Variants in XRRA1 observed in about 807,000 individuals in gnomAD.
XRRA1 encodes X-ray radiation resistance-associated protein 1.
XRRA1 carries 69 observed loss-of-function variants against 80.2 expected under a neutral mutation model. The ratio of observed to expected loss-of-function variants is 0.86; its 90% CI spans 0.71 to 1.05. XRRA1 has a LOEUF of 1.05. XRRA1 is among the 50% of genes least tolerant of loss of function. The probability of loss-of-function intolerance (pLI) is 0.00; values close to 1 mark genes in which losing one functional copy is unlikely to be tolerated. For synonymous variants in XRRA1, 348 were observed against 389.9 expected (o/e 0.89, Z 1.27); for missense variants, 967 against 976.4 (o/e 0.99, Z 0.13).
intron 16 of XRRA1, 70 bp from the exon 17 acceptor site, chr11:74,844,353 T>C: frequency 8.8e-7 from 1 of 1,139,188 alleles, no homozygotes; most frequent in South Asian, 1.3e-5. Flanking sequence ...CCCTGATTGC[T>C]TCATTCCTCA....
chr11:74,912,155 T>A (rs1453088574), intron 8 of XRRA1, among the ~76,000 whole-genome samples: 1 of 152,214 alleles, frequency 6.6e-6, no homozygotes, highest in Non-Finnish European at 1.5e-5. Flanking sequence ...GCTGATTCCA[T>A]CCTGAGTGAC....
intron 3 of XRRA1, among the ~76,000 whole-genome samples, chr11:74,939,185 C>T (rs956737782): frequency 6.6e-6 from 1 of 152,066 alleles, no homozygotes. Flanking sequence ...AACCCCATCT[C>T]TATAAAAAAT....
At chr11:74,905,046 ATTAAG>A (rs2054292357) in intron 10 of XRRA1, among the ~76,000 whole-genome samples, 1 of 152,114 alleles carries the variant, frequency 6.6e-6, no homozygotes, top group African/African-American at 2.4e-5. Flanking sequence ...TGTGCCCTTT[ATTAAG>A]TTGTTACTAT....
intron 11 of XRRA1, among the ~76,000 whole-genome samples, chr11:74,861,215 G>T (rs937107700): frequency 6.6e-6 from 1 of 152,130 alleles, no homozygotes; most frequent in African/African-American, 2.4e-5. Context: ...TATAGCTGGG[G>T]TCCCCAACCC....
At chr11:74,860,111 A>C (rs968959981) in intron 11 of XRRA1, among the ~76,000 whole-genome samples, 1 of 152,202 alleles carries the variant, frequency 6.6e-6, no homozygotes, top group African/African-American at 2.4e-5. Context: ...CAAGTCACTT[A>C]AATTTTGCTT....
At chr11:74,910,732 CAGAT>C (rs2055690585) in intron 8 of XRRA1, 2 of 152,198 alleles carry the variant, frequency 1.3e-5, no homozygotes, top group African/African-American at 4.8e-5. Context: ...CTCTGGCTGA[CAGAT>C]AGGAGGATGG....
intron 10 of XRRA1, among the ~76,000 whole-genome samples, chr11:74,892,267 T>C (rs1291194591): frequency 6.6e-6 from 1 of 152,214 alleles, no homozygotes; most frequent in Non-Finnish European, 1.5e-5. Flanking sequence ...TACAACCATC[T>C]GATCTTTGAC....
At chr11:74,925,407 T>C (rs1941975375) in intron 7 of XRRA1, among the ~76,000 whole-genome samples, 1 of 152,208 alleles carries the variant, frequency 6.6e-6, no homozygotes, top group African/African-American at 2.4e-5. Flanking sequence ...ATTCCTAACC[T>C]GGCTACTACA....
intron 10 of XRRA1, among the ~76,000 whole-genome samples, chr11:74,893,481 C>T (rs1318052098): frequency 2.0e-5 from 3 of 151,638 alleles, no homozygotes; most frequent in Admixed American, 2.0e-4. Context: ...TGCAGCACAC[C>T]AACATGGCAC....
chr11:74,844,239 G>T lies in XRRA1; in HGVS notation c.1972C>A (p.Pro658Thr), dbSNP rs779757323. The T allele has an allele frequency of 6.2e-7, 1 of 1,613,660 alleles. No individual in the cohort carries two copies. Among genetic ancestry groups the T allele is most frequent in the Non-Finnish European group, 8.5e-7 (1 of 1,179,844 alleles). The stretch of plus-strand genomic sequence containing the variant: ...GGCTTGGAGGAGTGGCACAGGAGTG[G>T]GTGCTTCAGCATTTGTTGCAGGGCT... Reference protein sequence around the residue: ...AQALQQMLKHPLLCHSSKPKL... With the variant: ...AQALQQMLKHTLLCHSSKPKL... The change falls in exon 17 of 19, where the codon CCA (proline) becomes ACA (threonine). Residue 658 changes from proline to threonine, a missense_variant. Transcript: ENST00000684022.
rs767090122 is a variant in XRRA1, at chr11:74,921,336, A to C, written c.534T>G (p.Leu178=). The C allele has an allele frequency of 2.5e-6, 4 of 1,613,794 alleles. No homozygotes were observed. Among genetic ancestry groups the C allele is most frequent in the Non-Finnish European group, 3.4e-6 (4 of 1,179,846 alleles). The change falls in exon 8 of 19, where the codon CTT becomes CTG. Residue 178 remains leucine (L), a synonymous_variant. Transcript: ENST00000684022. ...GDFKLLEFLD[L]SFNSLTVEAI... is the part of the protein sequence containing the mutation. The stretch of plus-strand genomic sequence containing the variant: ...CCTCCACAGTCAGGCTGTTGAAGGA[A>C]AGGTCCAAGAACTGCCATGCAAAGA...
chr11:74,876,000 T>A (rs779749719), intron 10 of XRRA1, among the ~76,000 whole-genome samples: 1 of 152,338 alleles, frequency 6.6e-6, no homozygotes, highest in East Asian at 1.9e-4. Flanking sequence ...CAATACATCC[T>A]GGTATGGGTA....
At chr11:74,932,465 C>T (rs1286078530) in intron 5 of XRRA1, among the ~76,000 whole-genome samples, 1 of 152,196 alleles carries the variant, frequency 6.6e-6, no homozygotes, top group Non-Finnish European at 1.5e-5. Context: ...CTCTACTGGA[C>T]TATATGCTCC....
chr11:74,898,847 C>T (rs2052979508), intron 10 of XRRA1, among the ~76,000 whole-genome samples: 1 of 152,080 alleles, frequency 6.6e-6, no homozygotes, highest in South Asian at 2.1e-4. Context: ...TTGGACAGAT[C>T]TCCCAGACAG....
chr11:74,943,505 G>A (rs951859778), intron 2 of XRRA1, among the ~76,000 whole-genome samples: 23 of 149,370 alleles, frequency 1.5e-4, no homozygotes, highest in Admixed American at 6.7e-5. Flanking sequence ...AGCTGGAGGC[G>A]AGGGGAAGAG....
At chr11:74,913,775 G>A (rs2056385637) in intron 8 of XRRA1, 1 of 152,252 alleles carries the variant, frequency 6.6e-6, no homozygotes, top group South Asian at 2.1e-4. Flanking sequence ...GTGTGTTACA[G>A]GATGGAGGTA....
At chr11:74,915,861 T>C (rs1938487973) in intron 8 of XRRA1, among the ~76,000 whole-genome samples, 1 of 152,064 alleles carries the variant, frequency 6.6e-6, no homozygotes, top group Admixed American at 6.6e-5. Flanking sequence ...TGGTAATGAA[T>C]TTTTTTTACC....
intron 10 of XRRA1, among the ~76,000 whole-genome samples, chr11:74,905,186 T>C (rs575000049): frequency 1.7e-4 from 26 of 152,064 alleles, no homozygotes; most frequent in Non-Finnish European, 3.5e-4. Context: ...TATAGGTGCA[T>C]GCCATCACAC....
At position 74,848,468 on chromosome 11, in the gene XRRA1, A is replaced by C. The variant is rs780698500; in HGVS notation, c.1381-6T>G. On this transcript the variant is annotated splice_region_variant and splice_polypyrimidine_tract_variant and intron_variant, in intron 14 of 18. Transcript: ENST00000684022. The stretch of plus-strand genomic sequence containing the variant: ...TTTGGGATTTCGCTTTTCACCTGTC[A>C]TGGAGAAGGGCCAGAATGAATTTGC... 6 of 1,598,388 alleles carry C rather than the reference A, an allele frequency of 3.8e-6. No homozygotes were observed. Among genetic ancestry groups the C allele is most frequent in the Non-Finnish European group, 5.1e-6 (6 of 1,170,540 alleles).
Sources: allele counts gnomAD v4.1 joint callset (sites outside exome capture counted in the v4.1 genomes callset), GRCh38; gene constraint gnomAD v4.1.1; transcripts MANE v1.5; gene names NCBI Gene and HGNC (gene_info 2026-07-23, HGNC 2026-07-21).